Variants in LIPC observed in about 807,000 individuals in gnomAD.
LIPC encodes the protein lipase C, hepatic type, also known as hepatic triacylglycerol lipase.
LIPC carries 44 observed loss-of-function variants against 50.7 expected under a neutral mutation model. The ratio of observed to expected loss-of-function variants is 0.87; its 90% CI spans 0.68 to 1.11. LIPC has a LOEUF of 1.11. LIPC is among the 50% of genes most tolerant of loss of function. The probability of loss-of-function intolerance (pLI) is 0.00; values close to 1 mark genes in which losing one functional copy is unlikely to be tolerated. For synonymous variants in LIPC, 271 were observed against 256.4 expected, an observed-to-expected ratio of 1.06 and a Z score of -0.54; for missense variants, 697 against 648.2, an observed-to-expected ratio of 1.08 and a Z score of -0.82.
At chr15:58,492,836 A>T (rs1432760527) in intron 1 of LIPC, among the ~76,000 whole-genome samples, 2 of 152,226 alleles carry the variant, frequency 1.3e-5, no homozygotes, top group African/African-American at 4.8e-5. Context: ...TGAGTAAGAC[A>T]TCATTCACAG....
intron 8 of LIPC, chr15:58,566,246 T>C (rs1489410278): frequency 3.0e-6 from 3 of 985,282 alleles, no homozygotes; most frequent in Non-Finnish European, 3.6e-6. Flanking sequence ...CTTGGGGCTG[T>C]GCTGCAACAT....
chr15:58,510,740 G>A (rs1892303797), intron 1 of LIPC, among the ~76,000 whole-genome samples: 2 of 152,228 alleles, frequency 1.3e-5, no homozygotes, highest in African/African-American at 4.8e-5. Context: ...TTCCTTGTTA[G>A]TGGTATGTTA....
chr15:58,528,514 C>T (rs1023719796), intron 1 of LIPC, among the ~76,000 whole-genome samples: 8 of 152,130 alleles, frequency 5.3e-5, no homozygotes, highest in African/African-American at 1.9e-4. Flanking sequence ...GAGCTCGGTG[C>T]CTTTTTTTTT....
chr15:58,527,366 T>C (rs559398171), intron 1 of LIPC, among the ~76,000 whole-genome samples: 1 of 152,320 alleles, frequency 6.6e-6, no homozygotes, highest in East Asian at 1.9e-4. Context: ...TCAGGAAAGC[T>C]GAAGGGCACA....
At chr15:58,519,082 G>A (rs565563673) in intron 1 of LIPC, among the ~76,000 whole-genome samples, 3 of 152,260 alleles carry the variant, frequency 2.0e-5, no homozygotes, top group African/African-American at 7.2e-5. Context: ...TACAGGAAGT[G>A]CACAATAAGT....
intron 8 of LIPC, chr15:58,566,006 G>T: frequency 1.0e-6 from 1 of 984,968 alleles, no homozygotes; most frequent in Non-Finnish European, 1.2e-6. Context: ...TTTACTAACG[G>T]TGTGGTCCAT....
chr15:58,519,909 G>T (rs1250891892), intron 1 of LIPC, among the ~76,000 whole-genome samples: 1 of 152,068 alleles, frequency 6.6e-6, no homozygotes, highest in African/African-American at 2.4e-5. Context: ...GATTTATCCC[G>T]TTATCTTCGC....
At chr15:58,467,397 T>A (rs1409261897) in intron 1 of LIPC, among the ~76,000 whole-genome samples, 1 of 152,130 alleles carries the variant, frequency 6.6e-6, no homozygotes, top group Non-Finnish European at 1.5e-5. Flanking sequence ...GATTTGCACG[T>A]ATTGGTTTCC....
rs1893510110 is a variant in LIPC, at chr15:58,545,881, A to G, written c.714A>G (p.Ile238Met). ...TGAGCGTGGGCATCAAACAGCCCAT[A>G]GGACACTATGACTTCTATCCCAACG... ...MGLSVGIKQP[I>M]GHYDFYPNGG... is the part of the protein sequence containing the mutation. The change falls in exon 5 of 9, where the codon ATA (isoleucine) becomes ATG (methionine). Residue 238 changes from isoleucine to methionine, a missense_variant. Ile to Met is a conservative substitution (Grantham distance 10). Coordinates refer to ENST00000299022, the MANE Select transcript of LIPC (RefSeq NM_000236.3). 6.2e-7 allele frequency: 1 copy of G among 1,614,218 alleles called. No homozygotes were observed. The highest frequency in any genetic ancestry group is 8.5e-7 in the Non-Finnish European group (1 of 1,180,030).
At chr15:58,503,119 T>C (rs1485068433) in intron 1 of LIPC, among the ~76,000 whole-genome samples, 1 of 152,220 alleles carries the variant, frequency 6.6e-6, no homozygotes, top group Non-Finnish European at 1.5e-5. Flanking sequence ...ATGATTATTA[T>C]GGACAATCTC....
chr15:58,542,525 G>A lies in LIPC; in HGVS notation c.457-9G>A, dbSNP rs1451697067. 4.4e-6 allele frequency: 7 copies of A among 1,583,510 alleles called. No individual in the cohort carries two copies. Among genetic ancestry groups the A allele is most frequent in the Non-Finnish European group, 6.1e-6 (7 of 1,152,214 alleles). ...CTTCTCCTGCCCCCATCCCGCTGCTGTCTTCCAGGAATCTGTGCAACTCTC... is the reference window on the plus strand; with the variant it reads ...CTTCTCCTGCCCCCATCCCGCTGCTATCTTCCAGGAATCTGTGCAACTCTC... On this transcript the variant is annotated splice_polypyrimidine_tract_variant and intron_variant, in intron 3 of 8. Coordinates refer to ENST00000299022, the MANE Select transcript of LIPC (RefSeq NM_000236.3).
intron 6 of LIPC, among the ~76,000 whole-genome samples, chr15:58,550,415 C>T (rs544896795): frequency 6.6e-6 from 1 of 152,270 alleles, no homozygotes; most frequent in Admixed American, 6.5e-5. Context: ...TAGGCATGAA[C>T]CAGGCTGAGC....
intron 1 of LIPC, among the ~76,000 whole-genome samples, chr15:58,457,109 A>AT (rs1209531309): frequency 5.9e-5 from 9 of 152,140 alleles, no homozygotes; most frequent in Non-Finnish European, 1.0e-4. Context: ...CGAAAACATG[A>AT]TTTTTTTATT....
intron 1 of LIPC, among the ~76,000 whole-genome samples, chr15:58,452,814 G>C (rs1893958369): frequency 6.6e-6 from 1 of 152,208 alleles, no homozygotes; most frequent in African/African-American, 2.4e-5. Context: ...ATGGGACTGG[G>C]AGCTGGTAGT....
At chr15:58,553,802 C>A (rs1222040693) in intron 6 of LIPC, among the ~76,000 whole-genome samples, 1 of 152,174 alleles carries the variant, frequency 6.6e-6, no homozygotes, top group Admixed American at 6.5e-5. Context: ...TTTCATTCAG[C>A]CTTGCCGGCA....
intron 1 of LIPC, among the ~76,000 whole-genome samples, chr15:58,499,997 A>G (rs143851390): frequency 1.8e-4 from 27 of 152,308 alleles, no homozygotes; most frequent in Non-Finnish European, 2.9e-4. Context: ...ACTTGTGTCC[A>G]GCTGGAGTAA....
chr15:58,432,723 C>T (rs1398499160), intron 1 of LIPC, among the ~76,000 whole-genome samples: 1 of 152,148 alleles, frequency 6.6e-6, no homozygotes, highest in South Asian at 2.1e-4. Context: ...AGATCAAATG[C>T]CTTATCAGGA....
chr15:58,560,918 AAAC>A lies in LIPC; in HGVS notation c.1110_1112del (p.Thr371del). 1 of 1,564,594 alleles carries A rather than the reference AAAC, an allele frequency of 6.4e-7. No individual in the cohort carries two copies. Among genetic ancestry groups the A allele is most frequent in the South Asian group, 1.1e-5 (1 of 90,030 alleles). ...ATCAACCAAACTGAGACACCAATACAAACAACTTTTACCATGTCACTACTCGGA... is the reference window on the plus strand; with the variant it reads ...ATCAACCAAACTGAGACACCAATACAAACTTTTACCATGTCACTACTCGGA... On this transcript the variant is annotated inframe_deletion, in exon 7 of 9. Transcript: ENST00000299022.
intron 6 of LIPC, among the ~76,000 whole-genome samples, chr15:58,558,039 C>A (rs565473228): frequency 1.6e-4 from 24 of 151,898 alleles, no homozygotes; most frequent in African/African-American, 5.8e-4. Flanking sequence ...AGTTTAGGGA[C>A]CCTTCCCAGG....
Sources: gnomAD v4.1 joint callset for allele counts (sites outside exome capture counted in the v4.1 genomes callset) on GRCh38, gnomAD v4.1.1 for gene constraint, MANE v1.5 for transcripts, NCBI Gene and HGNC (gene_info 2026-07-23, HGNC 2026-07-21) for gene names.